Variants in GCFC2 observed in about 807,000 individuals in gnomAD.
GCFC2 encodes intron Large complex component GCFC2.
A neutral mutation model predicts 99.4 loss-of-function variants in GCFC2; 102 were observed. The observed-to-expected ratio is 1.03, with a 90% confidence interval of 0.87 to 1.21. The LOEUF (loss-of-function observed/expected upper bound fraction) is 1.21, where lower values mean the gene tolerates loss of function less well. GCFC2 is among the 50% of genes most tolerant of loss of function. The pLI is 0.00. For synonymous variants in GCFC2, 338 were observed against 316.8 expected (o/e 1.07, Z -0.71); for missense variants, 973 against 920.9 (o/e 1.06, Z -0.73).
intron 4 of GCFC2, among the ~76,000 whole-genome samples, chr2:75,700,429 C>T (rs1197169235): frequency 4.0e-5 from 6 of 151,782 alleles, no homozygotes; most frequent in Non-Finnish European, 8.8e-5. Flanking sequence ...TATATATTAT[C>T]TATTCACTAG....
intron 2 of GCFC2, among the ~76,000 whole-genome samples, chr2:75,704,118 A>G (rs1168145554): frequency 6.6e-6 from 1 of 152,252 alleles, no homozygotes; most frequent in African/African-American, 2.4e-5. Context: ...GGGCAGACAT[A>G]GGAGGAATCA....
At chr2:75,710,978 T>G (rs1398148374), upstream of GCFC2, 8 of 1,365,372 alleles carry the variant, frequency 5.9e-6, no homozygotes, top group East Asian at 1.8e-4. Context: ...CCGTCCCGCC[T>G]GCCTTCTGCT....
chr2:75,712,185 ACT>A (rs1324057398), upstream of GCFC2, among the ~76,000 whole-genome samples: 2 of 115,396 alleles, frequency 1.7e-5, no homozygotes, highest in Non-Finnish European at 4.3e-5. Flanking sequence ...ACCAATCGAC[ACT>A]CTGTATCTAG....
At chr2:75,669,471 G>T (rs1678989582) in intron 15 of GCFC2, among the ~76,000 whole-genome samples, 1 of 151,986 alleles carries the variant, frequency 6.6e-6, no homozygotes, top group Non-Finnish European at 1.5e-5. Flanking sequence ...AAGTTTAGAA[G>T]GAACTCCCTC....
upstream of GCFC2, among the ~76,000 whole-genome samples, chr2:75,711,648 T>C (rs1287935264): frequency 1.3e-5 from 2 of 152,218 alleles, no homozygotes; most frequent in Non-Finnish European, 2.9e-5. Context: ...GGGCATGGGC[T>C]TGGCGGGCCT....
In GCFC2 at chr2:75,690,010, T is replaced by G; in HGVS notation, c.1298A>C (p.Glu433Ala). The change falls in exon 9 of 17, where the codon GAA (glutamate) becomes GCA (alanine). Residue 433 changes from glutamate to alanine, a missense_variant. Transcript: ENST00000321027. Reference sequence around the variant, plus strand: ...GTCAATCATCTCTGCTGAAGGCAGTTCATCATCACTAGATGTTCCTTCCTG... The same window carrying G: ...GTCAATCATCTCTGCTGAAGGCAGTGCATCATCACTAGATGTTCCTTCCTG... ...NHQEGTSSDDELPSAEMIDFQ... is the reference protein window; with the variant it reads ...NHQEGTSSDDALPSAEMIDFQ... 1 of 1,608,910 alleles carries G rather than the reference T, an allele frequency of 6.2e-7. No individual in the cohort carries two copies. The highest frequency in any genetic ancestry group is 8.5e-7 in the Non-Finnish European group (1 of 1,176,334).
rs1022108241 is a variant in GCFC2, at chr2:75,680,356, T to C, written c.1691-42A>G. On this transcript the variant is annotated intron_variant, in intron 11 of 16. Coordinates refer to ENST00000321027, the MANE Select transcript of GCFC2 (RefSeq NM_003203.5). ...AGTGGTACACAATGTATTTACTAGA[T>C]TGTTTTGCTTTTCATATACAAATAA... 3.2e-6 allele frequency: 5 copies of C among 1,543,774 alleles called. No homozygotes were observed. In the African/African-American group the frequency reaches 4.1e-5, roughly 13 times the overall value.
At chr2:75,684,877 T>C (rs1679742088) in intron 11 of GCFC2, among the ~76,000 whole-genome samples, 1 of 152,158 alleles carries the variant, frequency 6.6e-6, no homozygotes, top group African/African-American at 2.4e-5. Context: ...TATGCAGCCA[T>C]AAAACAGGAT....
In GCFC2 at chr2:75,694,328, C is replaced by T; in HGVS notation, c.933G>A (p.Glu311=). Residue 311 remains glutamate, a synonymous_variant, in exon 6 of 17, where the codon GAG becomes GAA. Transcript: ENST00000321027. ...AATTTAGAGCTTGATTTGATGAACT[C>T]TCTAGGTTCTGGATGGTACTCTTTG... ...KSSKSTIQNL[E]SSSNQALNCK... The T allele has an allele frequency of 1.4e-6, 2 of 1,403,900 alleles. No individual in the cohort carries two copies. The highest frequency in any genetic ancestry group is 2.0e-6 in the Non-Finnish European group (2 of 1,002,406). The allele number at this position is 1,403,900 out of a possible 1,614,324, so 87.0% of individuals were successfully genotyped here.
intron 10 of GCFC2, among the ~76,000 whole-genome samples, 199 bp from the exon 11 acceptor site, chr2:75,688,176 G>A (rs902987726): frequency 6.6e-6 from 1 of 152,210 alleles, no homozygotes; most frequent in Non-Finnish European, 1.5e-5. Flanking sequence ...AGTAACATAA[G>A]AAGAAGCTGC....
At chr2:75,669,281 ACTTT>A (rs1363955607) in intron 15 of GCFC2, among the ~76,000 whole-genome samples, 2 of 152,242 alleles carry the variant, frequency 1.3e-5, no homozygotes, top group African/African-American at 4.8e-5. Context: ...AACTTTTCTA[ACTTT>A]CTATTATACA....
At position 75,701,228 on chromosome 2, in the gene GCFC2, C is replaced by T; in HGVS notation, c.679G>A (p.Glu227Lys). 1 of 1,606,922 alleles carries T rather than the reference C, an allele frequency of 6.2e-7. No homozygotes were observed. Residue 227 changes from glutamate to lysine, a missense_variant, in exon 4 of 17, where the codon GAA becomes AAA. Glu to Lys is a moderately conservative substitution (Grantham distance 56, BLOSUM62 1). Transcript: ENST00000321027. Reference sequence around the variant, plus strand: ...ACTGCTTTCCTCATTTGCTGTTGTTCCCAAGTATCTTGCTTTTCATCTTCC... The same window carrying T: ...ACTGCTTTCCTCATTTGCTGTTGTTTCCAAGTATCTTGCTTTTCATCTTCC... ...SQEDEKQDTWEQQQMRKAVKI... is the reference protein window; with the variant it reads ...SQEDEKQDTWKQQQMRKAVKI...
intron 13 of GCFC2, among the ~76,000 whole-genome samples, chr2:75,672,996 T>C (rs868451028): frequency 9.9e-5 from 15 of 152,228 alleles, no homozygotes; most frequent in East Asian, 5.8e-4. Context: ...CCTCATAGAG[T>C]ATGTGTACAC....
At chr2:75,707,205 G>A (rs919042945) in intron 1 of GCFC2, among the ~76,000 whole-genome samples, 1 of 152,076 alleles carries the variant, frequency 6.6e-6, no homozygotes, top group African/African-American at 2.4e-5. Context: ...ATATTTCAAC[G>A]GCTGGTGGCG....
intron 4 of GCFC2, 41 bp from the exon 5 acceptor site, chr2:75,696,356 C>A (rs1680326125): frequency 2.3e-6 from 2 of 868,508 alleles, no homozygotes; most frequent in South Asian, 2.8e-5. Context: ...CCATTTATTT[C>A]ATTTACCTTT....
At chr2:75,699,655 C>T (rs925426460) in intron 4 of GCFC2, among the ~76,000 whole-genome samples, 2 of 152,168 alleles carry the variant, frequency 1.3e-5, no homozygotes, top group African/African-American at 4.8e-5. Flanking sequence ...TAGCTCACTG[C>T]ACCCAGAACT....
intron 11 of GCFC2, among the ~76,000 whole-genome samples, chr2:75,680,992 C>T (rs1573056587): frequency 6.6e-6 from 1 of 152,194 alleles, no homozygotes; most frequent in East Asian, 1.9e-4. Context: ...GATCCCAAGC[C>T]TTTTGGCTTA....
chr2:75,692,717 T>C (rs1239444520), intron 6 of GCFC2, among the ~76,000 whole-genome samples: 1 of 150,706 alleles, frequency 6.6e-6, no homozygotes, highest in African/African-American at 2.4e-5. Context: ...AGATAGAAGA[T>C]TTTTTTTTGA....
chr2:75,712,731 A>G (rs1243417587), upstream of GCFC2, among the ~76,000 whole-genome samples: 1 of 152,068 alleles, frequency 6.6e-6, no homozygotes, highest in Admixed American at 6.6e-5. Context: ...CCACAAACCC[A>G]CCAGAAGGAA....
Sources: allele counts gnomAD v4.1 joint callset (sites outside exome capture counted in the v4.1 genomes callset), GRCh38; gene constraint gnomAD v4.1.1; transcripts MANE v1.5; gene names NCBI Gene and HGNC (gene_info 2026-07-23, HGNC 2026-07-21).